Variants in ME1 observed in about 807,000 individuals in gnomAD.
The protein encoded by ME1 is malic enzyme 1.
Under a neutral mutation model 66.4 loss-of-function variants are expected in ME1, and 74 were observed. The observed-to-expected ratio is 1.11, with a 90% CI of 0.92 to 1.35. The LOEUF is 1.35. Among genes scored for constraint, ME1 ranks in the 40% most tolerant of loss-of-function variants. ME1 has a pLI of 0.00. For synonymous variants in ME1, 251 were observed against 235.6 expected (o/e 1.07, Z -0.60); for missense variants, 750 against 694.1 (o/e 1.08, Z -0.90).
chr6:83,353,671 A>G (rs980812646), intron 3 of ME1, among the ~76,000 whole-genome samples: 6 of 152,182 alleles, frequency 3.9e-5, no homozygotes, highest in Admixed American at 1.3e-4. Flanking sequence ...CCTTATTGAT[A>G]TTCATATTAT....
intron 5 of ME1, among the ~76,000 whole-genome samples, chr6:83,330,696 AG>A (rs931871484): frequency 5.6e-4 from 86 of 152,352 alleles, no homozygotes; most frequent in Middle Eastern, 3.4e-3. Flanking sequence ...AAAAATTTCA[AG>A]GAGTTCCTGC....
intron 2 of ME1, among the ~76,000 whole-genome samples, chr6:83,399,043 G>A (rs1769795197): frequency 6.6e-6 from 1 of 151,984 alleles, no homozygotes; most frequent in Non-Finnish European, 1.5e-5. Context: ...GCCCAGGCTG[G>A]AGTGCAGTGG....
chr6:83,309,779 G>A (rs773717267), intron 6 of ME1, among the ~76,000 whole-genome samples: 1 of 152,072 alleles, frequency 6.6e-6, no homozygotes, highest in African/African-American at 2.4e-5. Flanking sequence ...GCATTCTAAT[G>A]TTTACAGCTG....
At chr6:83,395,288 T>C (rs1335023251) in intron 3 of ME1, among the ~76,000 whole-genome samples, 6 of 151,878 alleles carry the variant, frequency 4.0e-5, no homozygotes, top group Admixed American at 2.0e-4. Flanking sequence ...GGTTTCACCA[T>C]GTTGGCCAGG....
intron 6 of ME1, among the ~76,000 whole-genome samples, chr6:83,311,948 TG>T (rs1298289987): frequency 6.6e-6 from 1 of 152,070 alleles, no homozygotes; most frequent in Non-Finnish European, 1.5e-5. Flanking sequence ...AAACCAAAGA[TG>T]AATGACCACA....
intron 6 of ME1, among the ~76,000 whole-genome samples, chr6:83,297,692 C>A (rs1767624644): frequency 6.6e-6 from 1 of 152,096 alleles, no homozygotes. Context: ...AACCCATCAC[C>A]TAAGTATTAA....
Position 83,394,337 on chromosome 6 carries a change from T to C in ME1, c.362+4030A>G, listed in dbSNP as rs1026731530. ...GTTTCTAGCATAAAGAAAAGATAAATATTTAAGGTGATAGATATCTCAATT... is the reference window on the plus strand; with the variant it reads ...GTTTCTAGCATAAAGAAAAGATAAACATTTAAGGTGATAGATATCTCAATT... On this transcript the variant is annotated intron_variant, in intron 3 of 13. Coordinates refer to ENST00000369705, the MANE Select transcript of ME1 (RefSeq NM_002395.6). Among the ~76,000 whole-genome samples the C allele has an allele frequency of 2.6e-5, 4 of 152,234 alleles. No homozygotes were observed. The East Asian group carries it at 5.8e-4, about 22-fold the overall frequency.
intron 13 of ME1, among the ~76,000 whole-genome samples, chr6:83,214,213 T>A (rs573524073): frequency 2.0e-5 from 3 of 152,208 alleles, no homozygotes; most frequent in Non-Finnish European, 4.4e-5. Flanking sequence ...ATTACTGACA[T>A]AGACTATGTG....
intron 7 of ME1, among the ~76,000 whole-genome samples, chr6:83,243,177 G>C (rs949280042): frequency 6.6e-6 from 1 of 150,520 alleles, no homozygotes; most frequent in Non-Finnish European, 1.5e-5. Context: ...GAGGCAGTAG[G>C]ATCACTTGAA....
intron 4 of ME1, among the ~76,000 whole-genome samples, chr6:83,347,523 G>A (rs912133977): frequency 6.6e-6 from 1 of 152,106 alleles, no homozygotes; most frequent in African/African-American, 2.4e-5. Context: ...TGGTAAATTG[G>A]GAGTAATAAA....
At chr6:83,259,689 C>T (rs79348471) in intron 6 of ME1, among the ~76,000 whole-genome samples, 3,653 of 152,248 alleles carry the variant, frequency 0.024, 149 homozygotes, top group African/African-American at 0.084. Flanking sequence ...TAGGTAACAA[C>T]GAAGAAGATG....
intron 3 of ME1, among the ~76,000 whole-genome samples, chr6:83,356,383 T>C (rs548225176): frequency 5.9e-4 from 89 of 152,054 alleles, no homozygotes; most frequent in Non-Finnish European, 1.1e-3. Flanking sequence ...AGATCTGGAC[T>C]GACAGAAAAA....
intron 1 of ME1, among the ~76,000 whole-genome samples, chr6:83,414,397 T>G (rs1183648839): frequency 6.6e-6 from 1 of 152,088 alleles, no homozygotes; most frequent in African/African-American, 2.4e-5. Flanking sequence ...AGTAATTAAT[T>G]TTTACTCATA....
intron 3 of ME1, among the ~76,000 whole-genome samples, chr6:83,369,866 T>G (rs1408034510): frequency 6.6e-6 from 1 of 152,098 alleles, no homozygotes; most frequent in East Asian, 1.9e-4. Context: ...TTTGGTATAA[T>G]AAGATTTAAA....
At chr6:83,349,978 A>T (rs1768766278) in intron 4 of ME1, among the ~76,000 whole-genome samples, 1 of 152,190 alleles carries the variant, frequency 6.6e-6, no homozygotes, top group Admixed American at 6.5e-5. Context: ...TTTAAGTTTC[A>T]ACTTTGCTAG....
chr6:83,289,636 T>C (rs1427819781), intron 6 of ME1, among the ~76,000 whole-genome samples: 4 of 152,222 alleles, frequency 2.6e-5, no homozygotes, highest in South Asian at 2.1e-4. Context: ...ATCAGGATGA[T>C]GCTAGCCTCA....
intron 3 of ME1, among the ~76,000 whole-genome samples, chr6:83,376,276 C>T (rs563042954): frequency 6.6e-6 from 1 of 152,124 alleles, no homozygotes; most frequent in Non-Finnish European, 1.5e-5. Flanking sequence ...GTAGGTGAAT[C>T]GCCTGAGGTC....
At chr6:83,406,191 G>C (rs905705033) in intron 2 of ME1, among the ~76,000 whole-genome samples, 5 of 152,138 alleles carry the variant, frequency 3.3e-5, no homozygotes, top group Admixed American at 1.3e-4. Flanking sequence ...ACTTGATTGC[G>C]GTGGATAAGT....
At chr6:83,345,374 T>A (rs949575913) in intron 5 of ME1, among the ~76,000 whole-genome samples, 8 of 152,210 alleles carry the variant, frequency 5.3e-5, no homozygotes, top group African/African-American at 1.9e-4. Flanking sequence ...TATGTGTAGG[T>A]TAAAAACATA....
Sources: gnomAD v4.1 joint callset for allele counts (sites outside exome capture counted in the v4.1 genomes callset) on GRCh38, gnomAD v4.1.1 for gene constraint, MANE v1.5 for transcripts, NCBI Gene and HGNC (gene_info 2026-07-23, HGNC 2026-07-21) for gene names.